Variants in UBE2R2 observed in about 807,000 individuals in gnomAD.
UBE2R2 encodes ubiquitin-conjugating enzyme E2 R2.
A neutral mutation model predicts 27.8 loss-of-function variants in UBE2R2; 1 was observed. That is an observed-to-expected ratio of 0.04 (90% confidence interval 0.01 to 0.17). UBE2R2 has a LOEUF of 0.17. Ranked by LOEUF, UBE2R2 falls within the 10% of genes least tolerant of loss-of-function variation. The pLI is 1.00. For synonymous variants in UBE2R2, 106 were observed against 113.3 expected (o/e 0.94, Z 0.41); for missense variants, 100 against 291.0 (o/e 0.34, Z 4.78).
chr9:33,866,802 CTTTA>C (rs1329755954), intron 1 of UBE2R2, among the ~76,000 whole-genome samples: 3 of 152,158 alleles, frequency 2.0e-5, no homozygotes, highest in African/African-American at 7.2e-5. Flanking sequence ...GAGTCATACT[CTTTA>C]TTCATAGGAG....
At chr9:33,879,276 C>A (rs1460170913) in intron 1 of UBE2R2, among the ~76,000 whole-genome samples, 1 of 152,066 alleles carries the variant, frequency 6.6e-6, no homozygotes, top group East Asian at 1.9e-4. Flanking sequence ...AAGTAAGGGT[C>A]GCTTAAGATA....
chr9:33,841,187 A>G (rs1333048795), intron 1 of UBE2R2, among the ~76,000 whole-genome samples: 1 of 151,924 alleles, frequency 6.6e-6, no homozygotes, highest in Non-Finnish European at 1.5e-5. Context: ...GGTTCAAGCT[A>G]TTCTGATTCA....
In UBE2R2 at chr9:33,899,633, A is replaced by G. The variant is rs1822201643; in HGVS notation, c.265-541A>G. On this transcript the variant is annotated intron_variant, in intron 2 of 4. Transcript: ENST00000263228. Reference sequence around the variant, plus strand: ...TGTGATCTGCCCACCTTGGTCTCCCAAAGTGCTGGGATTACAGGCGTGAGC... The same window carrying G: ...TGTGATCTGCCCACCTTGGTCTCCCGAAGTGCTGGGATTACAGGCGTGAGC... 6.6e-5 allele frequency among the ~76,000 whole-genome samples: 10 copies of G among 152,062 alleles called. No homozygotes were observed. In the South Asian group the frequency reaches 2.1e-3, roughly 32 times the overall value.
intron 1 of UBE2R2, among the ~76,000 whole-genome samples, chr9:33,873,402 C>T (rs1310616742): frequency 6.6e-6 from 1 of 151,994 alleles, no homozygotes; most frequent in Non-Finnish European, 1.5e-5. Context: ...ATTATTTTTA[C>T]AGTTTAACAG....
intron 4 of UBE2R2, among the ~76,000 whole-genome samples, chr9:33,915,764 G>A (rs1822626273): frequency 1.3e-5 from 2 of 152,132 alleles, no homozygotes; most frequent in Admixed American, 1.3e-4. Flanking sequence ...TCAAATATGT[G>A]GAGACAGAAG....
At chr9:33,829,788 C>T (rs1382494402) in intron 1 of UBE2R2, among the ~76,000 whole-genome samples, 2 of 140,602 alleles carry the variant, frequency 1.4e-5, no homozygotes, top group Non-Finnish European at 3.0e-5. Flanking sequence ...TAGATTAGTG[C>T]AATCGTTTTT....
At chr9:33,847,499 ACAGTTAAACTTT>A (rs1316838572) in intron 1 of UBE2R2, among the ~76,000 whole-genome samples, 3 of 152,112 alleles carry the variant, frequency 2.0e-5, no homozygotes, top group African/African-American at 7.2e-5. Flanking sequence ...TTTGTTTTCA[ACAGTTAAACTTT>A]GATGTGCATG....
At chr9:33,840,998 C>G (rs1820721750) in intron 1 of UBE2R2, among the ~76,000 whole-genome samples, 1 of 152,082 alleles carries the variant, frequency 6.6e-6, no homozygotes, top group Non-Finnish European at 1.5e-5. Context: ...CATCGCAACT[C>G]ACTGCAACCT....
At chr9:33,816,895 T>C (rs1489530345), upstream of UBE2R2, among the ~76,000 whole-genome samples, 1 of 152,208 alleles carries the variant, frequency 6.6e-6, no homozygotes, top group Non-Finnish European at 1.5e-5. Flanking sequence ...CGGCAATCCC[T>C]GCGCCCGCCC....
intron 4 of UBE2R2, among the ~76,000 whole-genome samples, chr9:33,915,546 G>T (rs1214877266): frequency 6.6e-6 from 1 of 152,150 alleles, no homozygotes; most frequent in Non-Finnish European, 1.5e-5. Flanking sequence ...CAGAAGAAAA[G>T]CTTCAAGCAC....
intron 1 of UBE2R2, among the ~76,000 whole-genome samples, chr9:33,861,347 T>G (rs929593004): frequency 2.0e-5 from 3 of 151,902 alleles, no homozygotes; most frequent in African/African-American, 4.8e-5. Context: ...GCGGGCAGAT[T>G]GCCCGAGGTC....
At chr9:33,826,731 A>G (rs1421660500) in intron 1 of UBE2R2, among the ~76,000 whole-genome samples, 4 of 152,092 alleles carry the variant, frequency 2.6e-5, no homozygotes, top group Admixed American at 6.5e-5. Flanking sequence ...AGAAAAGTGA[A>G]TAGTCCACTT....
At chr9:33,916,210 G>A (rs1003772202) in intron 4 of UBE2R2, among the ~76,000 whole-genome samples, 5 of 152,004 alleles carry the variant, frequency 3.3e-5, no homozygotes, top group South Asian at 2.1e-4. Context: ...GTGGGGTGGC[G>A]GGAGCCTGTA....
intron 1 of UBE2R2, among the ~76,000 whole-genome samples, chr9:33,824,917 T>A (rs995943200): frequency 1.1e-4 from 16 of 151,680 alleles, no homozygotes; most frequent in Non-Finnish European, 2.2e-4. Context: ...TTTTGGTAAA[T>A]TTTTTTTTAA....
At chr9:33,819,724 C>T (rs1587420084) in intron 1 of UBE2R2, among the ~76,000 whole-genome samples, 2 of 152,116 alleles carry the variant, frequency 1.3e-5, no homozygotes, top group African/African-American at 4.8e-5. Context: ...CTGCAACCTC[C>T]GCCTCCCAGA....
intron 1 of UBE2R2, chr9:33,818,537 A>AC (rs1433203460): frequency 7.0e-6 from 1 of 142,042 alleles, no homozygotes; most frequent in Non-Finnish European, 1.6e-5. Flanking sequence ...GGTAAAAAAA[A>AC]AAAAAAAAAA....
intron 1 of UBE2R2, among the ~76,000 whole-genome samples, chr9:33,830,331 T>C (rs899355798): frequency 9.4e-5 from 14 of 149,484 alleles, no homozygotes; most frequent in Admixed American, 1.3e-4. Context: ...CTAATTTTTG[T>C]ATTTTGGTAG....
Position 33,853,079 on chromosome 9 carries a change from T to C in UBE2R2, c.178-33802T>C, listed in dbSNP as rs1000180463. 3.3e-5 allele frequency among the ~76,000 whole-genome samples: 5 copies of C among 152,186 alleles called. No homozygotes were observed. In the East Asian group the frequency reaches 9.6e-4, roughly 29 times the overall value. On this transcript the variant is annotated intron_variant, in intron 1 of 4. Coordinates refer to ENST00000263228, the MANE Select transcript of UBE2R2 (RefSeq NM_017811.4). ...AAGCAGTTAAGATGGAAGGCCCAAC[T>C]GTTTTAGCAGTAAGAGAAACCATGT... is the stretch of plus-strand genomic sequence containing the variant.
chr9:33,895,835 C>T (rs934699464), intron 2 of UBE2R2, among the ~76,000 whole-genome samples: 3 of 132,314 alleles, frequency 2.3e-5, no homozygotes, highest in Admixed American at 9.1e-5. Flanking sequence ...TGCAGTGGCT[C>T]GTACTCAGCT....
Sources: gnomAD v4.1 joint callset for allele counts (sites outside exome capture counted in the v4.1 genomes callset) on GRCh38, gnomAD v4.1.1 for gene constraint, MANE v1.5 for transcripts, NCBI Gene and HGNC (gene_info 2026-07-23, HGNC 2026-07-21) for gene names.